IQGAP2: variants seen among roughly 807,000 people sequenced by gnomAD.
IQGAP2 encodes the protein IQ motif containing GTPase activating protein 2.
IQGAP2 carries 173 observed loss-of-function variants against 201.3 expected under a neutral mutation model. The ratio of observed to expected loss-of-function variants is 0.86; its 90% CI spans 0.76 to 0.98. The LOEUF (loss-of-function observed/expected upper bound fraction) is 0.98. Among genes scored for constraint, IQGAP2 ranks in the 50% least tolerant of loss-of-function variants. The probability of loss-of-function intolerance (pLI) is 0.00; values close to 1 mark genes in which losing one functional copy is unlikely to be tolerated. For missense variants in IQGAP2, 1,687 were observed against 1,864.8 expected (o/e 0.90, Z 1.76); for synonymous variants, 675 against 673.9 (o/e 1.00, Z -0.03).
At chr5:76,628,737 C>T (rs1441332839) in intron 14 of IQGAP2, 3 of 456,106 alleles carry the variant, frequency 6.6e-6, no homozygotes, top group African/African-American at 2.0e-5. Context: ...GCTTTATCTC[C>T]TTAGCTTAGA....
chr5:76,610,098 A>T (rs1561506134), intron 12 of IQGAP2, among the ~76,000 whole-genome samples: 1 of 13,886 alleles, frequency 7.2e-5, no homozygotes, highest in African/African-American at 2.2e-4. Context: ...ATATATATAT[A>T]TATATATATA....
intron 2 of IQGAP2, among the ~76,000 whole-genome samples, chr5:76,499,291 T>C (rs1331239066): frequency 6.6e-6 from 1 of 152,226 alleles, no homozygotes; most frequent in Non-Finnish European, 1.5e-5. Flanking sequence ...TTCTGAAATG[T>C]AAGCACCTGG....
intron 12 of IQGAP2, 93 bp from the exon 13 acceptor site, chr5:76,610,927 C>A (rs1748346011): frequency 3.0e-6 from 3 of 984,374 alleles, no homozygotes; most frequent in Non-Finnish European, 4.5e-6. Flanking sequence ...TATAGCCTTG[C>A]TGTACTAGTT....
intron 13 of IQGAP2, among the ~76,000 whole-genome samples, chr5:76,622,278 C>T (rs982330839): frequency 6.6e-6 from 1 of 152,192 alleles, no homozygotes; most frequent in African/African-American, 2.4e-5. Flanking sequence ...CATCTACTCC[C>T]AGAAAGAGCG....
At chr5:76,653,488 G>A (rs1411752557) in intron 18 of IQGAP2, among the ~76,000 whole-genome samples, 6 of 152,176 alleles carry the variant, frequency 3.9e-5, no homozygotes, top group African/African-American at 7.2e-5. Flanking sequence ...CAGGCTTAGT[G>A]GCTCAAACCT....
rs1744898066 is a variant in IQGAP2, at chr5:76,677,230, A to G, written c.3540A>G (p.Lys1180=). 1 of 1,613,110 alleles carries G rather than the reference A, an allele frequency of 6.2e-7. No individual in the cohort carries two copies. Among genetic ancestry groups the G allele is most frequent in the Non-Finnish European group, 8.5e-7 (1 of 1,179,468 alleles). Residue 1180 remains lysine, a synonymous_variant, in exon 28 of 36, where the codon AAA becomes AAG. Transcript: ENST00000274364. The part of the protein sequence containing the change: ...ETYQEFRKYF[K]EACNVPEPEE... ...CCCCCTTTATTAGGAAATATTTCAA[A>G]GAAGCATGTAATGTCCCTGAGCCAG...
chr5:76,617,568 C>CT, intron 13 of IQGAP2: 1 of 1,590,850 alleles, frequency 6.3e-7, no homozygotes, highest in African/African-American at 1.3e-5. Flanking sequence ...TCCTTGTTCT[C>CT]TAAGATCATT....
intron 2 of IQGAP2, among the ~76,000 whole-genome samples, chr5:76,553,612 C>G (rs1482378156): frequency 6.6e-6 from 1 of 152,118 alleles, no homozygotes; most frequent in Non-Finnish European, 1.5e-5. Flanking sequence ...GTTTCTTTTT[C>G]TTTTTCTTTT....
chr5:76,557,743 T>C (rs2150246497), intron 2 of IQGAP2, among the ~76,000 whole-genome samples: 1 of 152,320 alleles, frequency 6.6e-6, no homozygotes, highest in Non-Finnish European at 1.5e-5. Context: ...GAATTAGCCA[T>C]GGCTATATTT....
At chr5:76,625,004 G>C (rs970840266) in intron 13 of IQGAP2, among the ~76,000 whole-genome samples, 1 of 152,188 alleles carries the variant, frequency 6.6e-6, no homozygotes, top group African/African-American at 2.4e-5. Context: ...ACCCTGAGAG[G>C]CGGAGGTTGC....
At position 76,627,638 on chromosome 5, in the gene IQGAP2, T is replaced by G. The variant is rs2432190; in HGVS notation, c.1612+138T>G. 1,592 of 592,174 alleles carry G rather than the reference T, an allele frequency of 2.7e-3. 42 individuals are homozygous for G. In the East Asian group the frequency reaches 0.039, roughly 15 times the overall value. 36.7% of individuals were successfully genotyped at this position (592,174 alleles called of 1,614,324 possible). A position where few individuals can be genotyped will look rare whatever the true frequency, so the allele number is the denominator to read the frequency against. On this transcript the variant is annotated intron_variant, in intron 14 of 35. Transcript: ENST00000274364. The stretch of plus-strand genomic sequence containing the variant: ...TCTTGGACACATAATTATACCGAAA[T>G]TAGTTGGTTGCCCTATTGTCAGTGA...
chr5:76,452,082 G>A (rs1214644620), intron 1 of IQGAP2, among the ~76,000 whole-genome samples: 6 of 151,200 alleles, frequency 4.0e-5, no homozygotes, highest in African/African-American at 1.2e-4. Flanking sequence ...TATAGATATA[G>A]TAAAGTAATA....
intron 1 of IQGAP2, among the ~76,000 whole-genome samples, chr5:76,419,194 T>C (rs1751579116): frequency 6.6e-6 from 1 of 152,060 alleles, no homozygotes; most frequent in Admixed American, 6.6e-5. Context: ...CTGGAGTACA[T>C]TGGCATGATA....
rs1273114696 is a variant in IQGAP2, at chr5:76,590,507, T to C, written c.740T>C (p.Val247Ala). 6.2e-7 allele frequency: 1 copy of C among 1,614,014 alleles called. No individual in the cohort carries two copies. Among genetic ancestry groups the C allele is most frequent in the Non-Finnish European group, 8.5e-7 (1 of 1,179,934 alleles). ...AACCCAAATGCGGTTTTAACTTTAG[T>C]GGATGACAACCTTGCACCAGAATAT... ...LRNPNAVLTLVDDNLAPEYQK... is the reference protein window; with the variant it reads ...LRNPNAVLTLADDNLAPEYQK... Residue 247 changes from valine to alanine, a missense_variant, in exon 8 of 36, where the codon GTG becomes GCG. Coordinates refer to ENST00000274364, the MANE Select transcript of IQGAP2 (RefSeq NM_006633.5).
At position 76,677,438 on chromosome 5, in the gene IQGAP2, T is replaced by C. The variant is rs1580796811; in HGVS notation, c.3660+88T>C. ...AAATGCTTAATCTCTACAGGACTTA[T>C]TGTACACATGTGCTAATACTCATAT... On this transcript the variant is annotated intron_variant, in intron 28 of 35. Transcript: ENST00000274364. The C allele has an allele frequency of 2.6e-5, 33 of 1,246,908 alleles. No homozygotes were observed. The East Asian group carries it at 6.6e-4, about 25-fold the overall frequency. The allele number at this position is 1,246,908 out of a possible 1,614,324, so 77.2% of individuals were successfully genotyped here. A position where few individuals can be genotyped will look rare whatever the true frequency, so the allele number is the denominator to read the frequency against.
At chr5:76,512,959 G>A (rs548032452) in intron 2 of IQGAP2, among the ~76,000 whole-genome samples, 1 of 152,232 alleles carries the variant, frequency 6.6e-6, no homozygotes, top group African/African-American at 2.4e-5. Context: ...GGAGGCTGAG[G>A]CAGGAGAATC....
intron 13 of IQGAP2, among the ~76,000 whole-genome samples, chr5:76,612,835 T>C (rs1748528060): frequency 6.6e-6 from 1 of 152,178 alleles, no homozygotes; most frequent in Non-Finnish European, 1.5e-5. Flanking sequence ...AGAAGGCTAG[T>C]ATGGATGGGA....
At position 76,654,917 on chromosome 5, in the gene IQGAP2, GTCTTAA is replaced by G. The variant is rs1752792603; in HGVS notation, c.2251-12_2251-7del. 1 of 1,582,716 alleles carries G rather than the reference GTCTTAA, an allele frequency of 6.3e-7. No individual in the cohort carries two copies. Among genetic ancestry groups the G allele is most frequent in the South Asian group, 1.1e-5 (1 of 90,080 alleles). On this transcript the variant is annotated splice_polypyrimidine_tract_variant and intron_variant, in intron 19 of 35. Transcript: ENST00000274364. ...GTGGGACTCTGGGAGATCAAGACTT[GTCTTAA>G]TCTTTTGCAGAATAATGAAATTGTG...
In IQGAP2 at chr5:76,678,169, C is replaced by T. The variant is rs151106197; in HGVS notation, c.3660+819C>T. On this transcript the variant is annotated intron_variant, in intron 28 of 35. Transcript: ENST00000274364. ...AAGTGGTAATAAACAGGCTACGCAA[C>T]GAAAACAAGAAACTACCACCCAATA... is the stretch of plus-strand genomic sequence containing the variant. 9.6e-3 allele frequency among the ~76,000 whole-genome samples: 1,456 copies of T among 152,152 alleles called. 16 individuals are homozygous for T. Among genetic ancestry groups the T allele is most frequent in the South Asian group, 0.036 (174 of 4,810 alleles).
Sources: gnomAD v4.1 joint callset for allele counts (sites outside exome capture counted in the v4.1 genomes callset) on GRCh38, gnomAD v4.1.1 for gene constraint, MANE v1.5 for transcripts, NCBI Gene and HGNC (gene_info 2026-07-23, HGNC 2026-07-21) for gene names.